COMP: variants seen among roughly 807,000 people sequenced by gnomAD.
The protein encoded by COMP is cartilage oligomeric matrix protein.
Under a neutral mutation model 95.8 loss-of-function variants are expected in COMP, and 79 were observed. The observed-to-expected ratio is 0.82, with a 90% CI of 0.69 to 0.99. COMP has a LOEUF of 0.99. COMP is among the 50% of genes least tolerant of loss of function. COMP has a pLI of 0.00. For synonymous variants in COMP, 438 were observed against 433.9 expected, an observed-to-expected ratio of 1.01 and a Z score of -0.12; for missense variants, 906 against 1,076.1, an observed-to-expected ratio of 0.84 and a Z score of 2.21.
At position 18,789,378 on chromosome 19, in the gene COMP, G is replaced by T; in HGVS notation, c.391-81C>A. On this transcript the variant is annotated intron_variant, in intron 4 of 18. Transcript: ENST00000222271. This position sits in a 1 kb window ranked among gnomAD's most constrained non-coding sequence, Gnocchi z 6.1. ...CGCACCTCGTAGTGTCTCGGATGTG[G>T]AAAGTTCAAGGGCCATATGCCAGTG... 1 of 1,352,400 alleles carries T rather than the reference G, an allele frequency of 7.4e-7. No individual in the cohort carries two copies. The highest frequency in any genetic ancestry group is 9.8e-7 in the Non-Finnish European group (1 of 1,024,166). The allele number at this position is 1,352,400 out of a possible 1,614,324, so 83.8% of individuals were successfully genotyped here. A position where few individuals can be genotyped will look rare whatever the true frequency, so the allele number is the denominator to read the frequency against.
rs201063220 is a variant in COMP, at chr19:18,786,586, G to A, written c.1200C>T (p.Gly400=). ...TGTCACAGGCATCCCCTATACCATC[G>A]CCATCACTGTCCTTCTGGTCTGAGT... ...VPNSDQKDSD[G]DGIGDACDNC... is the part of the protein sequence containing the mutation. The change falls in exon 11 of 19, where the codon GGC becomes GGT. Residue 400 remains glycine (G), a synonymous_variant. Transcript: ENST00000222271. The A allele has an allele frequency of 1.7e-5, 28 of 1,613,864 alleles. No individual in the cohort carries two copies. The Middle Eastern group carries it at 6.6e-4, about 38-fold the overall frequency.
chr19:18,785,635 T>C (rs369097923), intron 14 of COMP, 38 bp downstream of exon 14: 114 of 1,613,412 alleles, frequency 7.1e-5, no homozygotes, highest in Admixed American at 1.5e-4. Flanking sequence ...GTGGGGGTTC[T>C]AGGGTCCCAT....
Position 18,783,178 on chromosome 19 carries a change from C to T in COMP, c.2103G>A (p.Glu701=), listed in dbSNP as rs770118419. Residue 701 remains glutamate (E), a synonymous_variant, in exon 18 of 19, where the codon GAG becomes GAA. Coordinates refer to ENST00000222271, the MANE Select transcript of COMP (RefSeq NM_000095.3). Reference sequence around the variant, plus strand: ...TGCTGTCGGCCACCAGCTCAGGGCCCTCATAGAATCGCACCCTGAGGGTCA... The same window carrying T: ...TGCTGTCGGCCACCAGCTCAGGGCCTTCATAGAATCGCACCCTGAGGGTCA... ...QVGYIRVRFY[E]GPELVADSNV... 5 of 1,608,332 alleles carry T rather than the reference C, an allele frequency of 3.1e-6. No individual in the cohort carries two copies. Among genetic ancestry groups the T allele is most frequent in the African/African-American group, 1.3e-5 (1 of 74,934 alleles).
rs1485145444 is a variant in COMP, at chr19:18,791,299, G to T, written c.-30C>A. 8 of 1,568,108 alleles carry T rather than the reference G, an allele frequency of 5.1e-6. No homozygotes were observed. The highest frequency in any genetic ancestry group is 5.2e-6 in the Non-Finnish European group (6 of 1,159,578). On this transcript the variant is annotated 5_prime_UTR_variant, in exon 1 of 19. Coordinates refer to ENST00000222271, the MANE Select transcript of COMP (RefSeq NM_000095.3). The stretch of plus-strand genomic sequence containing the variant: ...GTGGCGGGGAGCTGGGTGGCTGCTC[G>T]CTTTCTACCGCCCACGAGGCCCGCG...
At position 18,783,163 on chromosome 19, in the gene COMP, C is replaced by T. The variant is rs1568553432; in HGVS notation, c.2118G>A (p.Val706=). 1 of 1,609,604 alleles carries T rather than the reference C, an allele frequency of 6.2e-7. No homozygotes were observed. The highest frequency in any genetic ancestry group is 8.5e-7 in the Non-Finnish European group (1 of 1,180,012). ...RVRFYEGPEL[V]ADSNVVLDTT... is the part of the protein sequence containing the mutation. ...TGTCCAAGACCACGTTGCTGTCGGC[C>T]ACCAGCTCAGGGCCCTCATAGAATC... Residue 706 remains valine, a synonymous_variant, in exon 18 of 19, where the codon GTG becomes GTA. Coordinates refer to ENST00000222271, the MANE Select transcript of COMP (RefSeq NM_000095.3).
At chr19:18,786,672 G>C in intron 10 of COMP, 22 bp from the exon 11 acceptor site, 1 of 1,573,308 alleles carries the variant, frequency 6.4e-7, no homozygotes, top group Non-Finnish European at 8.7e-7. Flanking sequence ...CACGGGACCA[G>C]AGCCCCAAGA....
chr19:18,790,329 C>G (rs1433731821), intron 3 of COMP, among the ~76,000 whole-genome samples: 1 of 151,778 alleles, frequency 6.6e-6, no homozygotes, highest in South Asian at 2.1e-4. Context: ...GTCTCTGTCC[C>G]GCTTTTCTGC....
In COMP at chr19:18,785,019, C is replaced by A; in HGVS notation, c.1791G>T (p.Ala597=). 2 of 1,614,094 alleles carry A rather than the reference C, an allele frequency of 1.2e-6. No homozygotes were observed. The highest frequency in any genetic ancestry group is 1.1e-5 in the South Asian group (1 of 91,086). The change falls in exon 16 of 19, where the codon GCG becomes GCT. Residue 597 remains alanine, a synonymous_variant. Coordinates refer to ENST00000222271, the MANE Select transcript of COMP (RefSeq NM_000095.3). ...TGTCCTGGTAGCCAAAGATGAAGCCCGCATAGTCGTCATCCGTGACCGTGT... is the reference window on the plus strand; with the variant it reads ...TGTCCTGGTAGCCAAAGATGAAGCCAGCATAGTCGTCATCCGTGACCGTGT... The part of the protein sequence containing the change: ...HVNTVTDDDY[A]GFIFGYQDSS...
Position 18,785,030 on chromosome 19 carries a change from C to T in COMP, c.1780G>A (p.Asp594Asn). 1 of 1,614,120 alleles carries T rather than the reference C, an allele frequency of 6.2e-7. No individual in the cohort carries two copies. Among genetic ancestry groups the T allele is most frequent in the Non-Finnish European group, 8.5e-7 (1 of 1,180,016 alleles). ...CCAAAGATGAAGCCCGCATAGTCGTCATCCGTGACCGTGTTCACATGGAAC... is the reference window on the plus strand; with the variant it reads ...CCAAAGATGAAGCCCGCATAGTCGTTATCCGTGACCGTGTTCACATGGAAC... Reference protein sequence around the residue: ...GTFHVNTVTDDDYAGFIFGYQ... With the variant: ...GTFHVNTVTDNDYAGFIFGYQ... The change falls in exon 16 of 19, where the codon GAC becomes AAC. Residue 594 changes from aspartate to asparagine, a missense_variant. Physicochemically the swap from Asp to Asn is conservative, Grantham distance 23. Coordinates refer to ENST00000222271, the MANE Select transcript of COMP (RefSeq NM_000095.3).
At position 18,789,178 on chromosome 19, in the gene COMP, G is replaced by T; in HGVS notation, c.510C>A (p.Phe170Leu). 1 of 1,579,712 alleles carries T rather than the reference G, an allele frequency of 6.3e-7. No homozygotes were observed. The highest frequency in any genetic ancestry group is 2.3e-5 in the East Asian group (1 of 44,338). Residue 170 changes from phenylalanine (F) to leucine (L), a missense_variant, in exon 5 of 19, where the codon TTC becomes TTA. Coordinates refer to ENST00000222271, the MANE Select transcript of COMP (RefSeq NM_000095.3). This position sits in a 1 kb window ranked among gnomAD's most constrained non-coding sequence, Gnocchi z 6.1. ...GPTHQGVGLA[F>L]AKANKQVCTD... The stretch of plus-strand genomic sequence containing the variant: ...CTCTCACCTGCTTGTTGGCCTTGGC[G>T]AAAGCCAGCCCCACGCCCTGGTGGG...
At position 18,787,851 on chromosome 19, in the gene COMP, T is replaced by TCTTTTA. The variant is rs1491508042; in HGVS notation, c.976-202_976-201insTAAAAG. Among the ~76,000 whole-genome samples the TCTTTTA allele has an allele frequency of 9.2e-5, 6 of 65,198 alleles. 1 individual carries two copies. Among genetic ancestry groups the TCTTTTA allele is most frequent in the Non-Finnish European group, 1.3e-4 (5 of 38,966 alleles). The allele number at this position is 65,198 out of a possible 152,430, so 42.8% of individuals were successfully genotyped here. ...GCTCACAGCTCTGTCTTTTCTTTTT[T>TCTTTTA]CTTTTTCTTTTTCTCTTTCTTTCTT... On this transcript the variant is annotated intron_variant, in intron 9 of 18. Coordinates refer to ENST00000222271, the MANE Select transcript of COMP (RefSeq NM_000095.3).
At position 18,784,424 on chromosome 19, in the gene COMP, C is replaced by A. The variant is rs2055150586; in HGVS notation, c.1915-61G>T. 1.3e-6 allele frequency: 2 copies of A among 1,597,034 alleles called. No individual in the cohort carries two copies. Among genetic ancestry groups the A allele is most frequent in the South Asian group, 1.1e-5 (1 of 90,380 alleles). On this transcript the variant is annotated intron_variant, in intron 16 of 18. Transcript: ENST00000222271. The surrounding 1 kb of genome is among the most constrained non-coding windows in gnomAD (Gnocchi z 4.9). ...TGGGCCACCGGAGCCCCCCTAGACA[C>A]CTTCCTGGAGAGACAGTTGGGAGCA...
Position 18,784,316 on chromosome 19 carries a change from C to G in COMP, c.1962G>C (p.Leu654=). ...GGGACTCTGTGTCTCCTGTATGCCACAGAGCGTTCCGCAGCTGTTCCCCGG... is the reference window on the plus strand; with the variant it reads ...GGGACTCTGTGTCTCCTGTATGCCAGAGAGCGTTCCGCAGCTGTTCCCCGG... ...TGPGEQLRNA[L]WHTGDTESQV... is the part of the protein sequence containing the mutation. Residue 654 remains leucine (L), a synonymous_variant, in exon 17 of 19, where the codon CTG becomes CTC. Coordinates refer to ENST00000222271, the MANE Select transcript of COMP (RefSeq NM_000095.3). The surrounding 1 kb of genome is among the most constrained non-coding windows in gnomAD (Gnocchi z 4.9). 6.2e-7 allele frequency: 1 copy of G among 1,614,128 alleles called. No individual in the cohort carries two copies. Among genetic ancestry groups the G allele is most frequent in the Non-Finnish European group, 8.5e-7 (1 of 1,180,044 alleles).
rs866529712 is a variant in COMP at position 18,790,858 on chromosome 19, G to T, written c.157C>A (p.Arg53=). Residue 53 remains arginine, a synonymous_variant, in exon 2 of 19, where the codon CGG becomes AGG. Coordinates refer to ENST00000222271, the MANE Select transcript of COMP (RefSeq NM_000095.3). ...AALQDVRELL[R]QQVREITFLK... is the part of the protein sequence containing the mutation. The stretch of plus-strand genomic sequence containing the variant: ...GCACCCGGGCCCCGCACCTGCTGCC[G>T]CAGCAGCTCCCGCACGTCCTGCAGC... The T allele has an allele frequency of 1.3e-6, 2 of 1,564,146 alleles. No individual in the cohort carries two copies. The highest frequency in any genetic ancestry group is 1.4e-5 in the African/African-American group (1 of 73,864).
rs200438524 is a variant in COMP, at chr19:18,783,035, C to T, written c.2227+19G>A. On this transcript the variant is annotated intron_variant, in intron 18 of 18. Coordinates refer to ENST00000222271, the MANE Select transcript of COMP (RefSeq NM_000095.3). ...TGTGTGCAGACTCCCCGCCCACGGCCCGCTGGCCCTCGGCTCACCATTGCA... is the reference window on the plus strand; with the variant it reads ...TGTGTGCAGACTCCCCGCCCACGGCTCGCTGGCCCTCGGCTCACCATTGCA... The T allele has an allele frequency of 5.8e-5, 93 of 1,612,188 alleles. No homozygotes were observed. Among genetic ancestry groups the T allele is most frequent in the Non-Finnish European group, 7.6e-5 (90 of 1,179,998 alleles).
In COMP at chr19:18,784,062, A is replaced by C; in HGVS notation, c.2087+129T>G. ...GCCTGGACCAGCATAGGCTCATTCT[A>C]ACTGCCCTGTATCTTTCCTATCGTA... On this transcript the variant is annotated intron_variant, in intron 17 of 18. Transcript: ENST00000222271. This position sits in a 1 kb window ranked among gnomAD's most constrained non-coding sequence, Gnocchi z 4.9. 1.9e-6 allele frequency: 2 copies of C among 1,072,258 alleles called. No homozygotes were observed. The highest frequency in any genetic ancestry group is 2.7e-5 in the South Asian group (2 of 75,086). 66.4% of individuals were successfully genotyped at this position (1,072,258 alleles called of 1,614,324 possible).
Position 18,786,260 on chromosome 19 carries a change from G to C in COMP, c.1286C>G (p.Ala429Gly). Residue 429 changes from alanine to glycine, a missense_variant, in exon 12 of 19, where the codon GCT (alanine) becomes GGT (glycine). Coordinates refer to ENST00000222271, the MANE Select transcript of COMP (RefSeq NM_000095.3). ...TTACTGGTCTTGATCGCTGTCACAA[G>C]CATCTCCCACAAAGTCGTGGTCCAC... is the stretch of plus-strand genomic sequence containing the variant. ...ADVDHDFVGD[A>G]CDSDQDQDGD... 1.2e-6 allele frequency: 2 copies of C among 1,614,040 alleles called. No homozygotes were observed. The highest frequency in any genetic ancestry group is 8.5e-7 in the Non-Finnish European group (1 of 1,180,036).
At chr19:18,790,284 C>A (rs931136677) in intron 3 of COMP, among the ~76,000 whole-genome samples, 170 bp from the exon 4 acceptor site, 2 of 146,628 alleles carry the variant, frequency 1.4e-5, no homozygotes, top group African/African-American at 5.0e-5. Context: ...AGGCTGCGCG[C>A]TCTGACCGCG....
chr19:18,783,174 G>C lies in COMP; in HGVS notation c.2107C>G (p.Pro703Ala). ...GYIRVRFYEG[P>A]ELVADSNVVL... ...ACGTTGCTGTCGGCCACCAGCTCAGGGCCCTCATAGAATCGCACCCTGAGG... is the reference window on the plus strand; with the variant it reads ...ACGTTGCTGTCGGCCACCAGCTCAGCGCCCTCATAGAATCGCACCCTGAGG... The change falls in exon 18 of 19, where the codon CCT (proline) becomes GCT (alanine). Residue 703 changes from proline to alanine, a missense_variant. Transcript: ENST00000222271. 6.2e-7 allele frequency: 1 copy of C among 1,608,812 alleles called. No homozygotes were observed. Among genetic ancestry groups the C allele is most frequent in the South Asian group, 1.1e-5 (1 of 91,088 alleles).
Sources: gnomAD v4.1 joint callset for allele counts (sites outside exome capture counted in the v4.1 genomes callset) on GRCh38, gnomAD v4.1.1 for gene constraint, Gnocchi (gnomAD v3.1) non-coding constraint, MANE v1.5 for transcripts, NCBI Gene and HGNC (gene_info 2026-07-23, HGNC 2026-07-21) for gene names.